RABGAP1L: variants seen among roughly 807,000 people sequenced by gnomAD.
The protein encoded by RABGAP1L is rab GTPase-activating protein 1-like.
RABGAP1L carries 63 observed loss-of-function variants against 137.7 expected under a neutral mutation model. The observed-to-expected ratio is 0.46, with a 90% CI of 0.37 to 0.56. The LOEUF (loss-of-function observed/expected upper bound fraction) is 0.56, where lower values mean the gene tolerates loss of function less well. RABGAP1L is among the 20% of genes least tolerant of loss of function. The pLI is 0.00. For synonymous variants in RABGAP1L, 431 were observed against 433.7 expected, an observed-to-expected ratio of 0.99 and a Z score of 0.08; for missense variants, 1,095 against 1,244.0, an observed-to-expected ratio of 0.88 and a Z score of 1.80.
At chr1:174,767,201 C>T (rs1419021838) in intron 18 of RABGAP1L, among the ~76,000 whole-genome samples, 1 of 152,146 alleles carries the variant, frequency 6.6e-6, no homozygotes. Context: ...TTTTCATGAT[C>T]TGAGGGCTGT....
intron 13 of RABGAP1L, among the ~76,000 whole-genome samples, chr1:174,453,338 A>G (rs1655652585): frequency 1.3e-5 from 2 of 152,236 alleles, no homozygotes; most frequent in African/African-American, 4.8e-5. Flanking sequence ...AATGATTAAT[A>G]AGCTGATTTG....
chr1:174,845,232 G>T (rs1357531515), intron 19 of RABGAP1L, among the ~76,000 whole-genome samples: 1 of 92,972 alleles, frequency 1.1e-5, no homozygotes, highest in Non-Finnish European at 2.6e-5. Flanking sequence ...TCTCCTGCCT[G>T]ATTGCCCTGG....
At chr1:174,555,709 T>C (rs899143422) in intron 13 of RABGAP1L, among the ~76,000 whole-genome samples, 1 of 152,206 alleles carries the variant, frequency 6.6e-6, no homozygotes, top group Non-Finnish European at 1.5e-5. Flanking sequence ...TGGATATTGA[T>C]AGTCTCAAAG....
chr1:174,670,431 CAGTTA>C (rs1168903289), intron 14 of RABGAP1L, among the ~76,000 whole-genome samples: 2 of 152,048 alleles, frequency 1.3e-5, no homozygotes, highest in Non-Finnish European at 2.9e-5. Flanking sequence ...TTAAAATGTA[CAGTTA>C]AGTTATTATT....
intron 11 of RABGAP1L, chr1:174,367,538 A>T (rs2148987691): frequency 9.2e-6 from 2 of 216,520 alleles, no homozygotes; most frequent in Admixed American, 1.2e-4. Context: ...TCTCCTGGTA[A>T]AACTGGACAT....
chr1:174,577,960 T>A (rs1668494199), intron 13 of RABGAP1L, among the ~76,000 whole-genome samples: 1 of 152,210 alleles, frequency 6.6e-6, no homozygotes, highest in African/African-American at 2.4e-5. Flanking sequence ...TGATCTTCTC[T>A]TTTTTCAATT....
chr1:174,309,681 T>G (rs1678634937), intron 11 of RABGAP1L, among the ~76,000 whole-genome samples: 1 of 152,148 alleles, frequency 6.6e-6, no homozygotes, highest in Non-Finnish European at 1.5e-5. Flanking sequence ...GTTAACTCAT[T>G]CTTGCATCTC....
At chr1:174,421,832 G>A (rs182964570) in intron 13 of RABGAP1L, among the ~76,000 whole-genome samples, 2 of 152,150 alleles carry the variant, frequency 1.3e-5, no homozygotes, top group African/African-American at 2.4e-5. Context: ...ACAGTGGCAC[G>A]ATCTCGGCTC....
chr1:174,304,371 T>G (rs924287984), intron 10 of RABGAP1L, among the ~76,000 whole-genome samples: 23 of 151,818 alleles, frequency 1.5e-4, no homozygotes, highest in Admixed American at 5.9e-4. Context: ...ATATATTTAT[T>G]TGAAATTGTT....
At chr1:174,608,266 A>T (rs533855894) in intron 13 of RABGAP1L, among the ~76,000 whole-genome samples, 1 of 151,968 alleles carries the variant, frequency 6.6e-6, no homozygotes, top group Non-Finnish European at 1.5e-5. Flanking sequence ...TATCATATGG[A>T]TCGTTTATAA....
intron 13 of RABGAP1L, among the ~76,000 whole-genome samples, chr1:174,597,660 G>A (rs374621662): frequency 5.3e-5 from 8 of 151,242 alleles, no homozygotes; most frequent in Admixed American, 1.3e-4. Flanking sequence ...CGAACTTTTC[G>A]AAAAATTTTT....
chr1:174,351,766 C>T (rs778475671), intron 11 of RABGAP1L, among the ~76,000 whole-genome samples: 11 of 149,144 alleles, frequency 7.4e-5, no homozygotes, highest in African/African-American at 1.8e-4. Context: ...TCTTTCTCTA[C>T]GTTTGGGAAG....
intron 7 of RABGAP1L, among the ~76,000 whole-genome samples, chr1:174,253,089 C>T (rs1672845799): frequency 6.6e-6 from 1 of 151,976 alleles, no homozygotes. Flanking sequence ...AAAAAATATT[C>T]GTAATGTAGA....
chr1:174,468,429 C>T (rs1164253052), intron 13 of RABGAP1L, among the ~76,000 whole-genome samples: 2 of 152,106 alleles, frequency 1.3e-5, no homozygotes, highest in Non-Finnish European at 2.9e-5. Flanking sequence ...ATAATTCATC[C>T]TGATCATTGT....
At chr1:174,736,742 C>T (rs1234247680) in intron 17 of RABGAP1L, among the ~76,000 whole-genome samples, 1 of 152,234 alleles carries the variant, frequency 6.6e-6, no homozygotes, top group Non-Finnish European at 1.5e-5. Context: ...ATCCTTCATG[C>T]TTGCATTCTG....
At chr1:174,723,895 G>GT (rs1681781005) in intron 17 of RABGAP1L, among the ~76,000 whole-genome samples, 1 of 152,142 alleles carries the variant, frequency 6.6e-6, no homozygotes, top group African/African-American at 2.4e-5. Context: ...TTAAATCAAG[G>GT]TAATGCCATG....
At chr1:174,903,146 T>C (rs1558212476) in intron 19 of RABGAP1L, among the ~76,000 whole-genome samples, 1 of 152,224 alleles carries the variant, frequency 6.6e-6, no homozygotes, top group Non-Finnish European at 1.5e-5. Flanking sequence ...CAATTCTTGT[T>C]TCCTGGAGAG....
At chr1:174,560,099 A>C (rs1316466556) in intron 13 of RABGAP1L, among the ~76,000 whole-genome samples, 2 of 151,268 alleles carry the variant, frequency 1.3e-5, no homozygotes, top group Non-Finnish European at 2.9e-5. Flanking sequence ...ACGCCACTGC[A>C]CTCTAGCCTG....
At chr1:174,969,232 A>G (rs995003625) in intron 20 of RABGAP1L, 45 bp from the exon 21 acceptor site, 5 of 1,399,514 alleles carry the variant, frequency 3.6e-6, no homozygotes, top group African/African-American at 2.9e-5. Flanking sequence ...TCGTTTCTGT[A>G]TGTCCAGACA....
Sources: allele counts gnomAD v4.1 joint callset (sites outside exome capture counted in the v4.1 genomes callset), GRCh38; gene constraint gnomAD v4.1.1; transcripts MANE v1.5; gene names NCBI Gene and HGNC (gene_info 2026-07-23, HGNC 2026-07-21).